NISCH: variants seen among roughly 807,000 people sequenced by gnomAD.
NISCH encodes the protein nischarin, also known as I-1 receptor candidate protein.
A neutral mutation model predicts 138.4 loss-of-function variants in NISCH; 55 were observed. The observed-to-expected ratio is 0.40, with a 90% CI of 0.32 to 0.50. NISCH has a LOEUF of 0.50. NISCH is among the 20% of genes least tolerant of loss of function. The pLI, the probability that NISCH is intolerant of heterozygous loss-of-function variation, is 0.71. For missense variants in NISCH, 1,643 were observed against 2,005.5 expected, an observed-to-expected ratio of 0.82 and a Z score of 3.45; for synonymous variants, 860 against 861.5, an observed-to-expected ratio of 1.00 and a Z score of 0.03.
chr3:52,492,682 C>G lies in NISCH; in HGVS notation c.*200C>G. ...AGAATGCCGGGCCCCTCAGGGCTGT[C>G]GGTGTGCTGTCAGCCTCCCACAGGT... On this transcript the variant is annotated 3_prime_UTR_variant, in exon 21 of 21. Transcript: ENST00000345716. 1.4e-6 allele frequency: 1 copy of G among 718,634 alleles called. No individual in the cohort carries two copies. The highest frequency in any genetic ancestry group is 2.1e-5 in the South Asian group (1 of 48,050). 44.5% of individuals were successfully genotyped at this position (718,634 alleles called of 1,614,324 possible).
Position 52,488,623 on chromosome 3 carries a change from T to C in NISCH, c.3113+18T>C. 3 of 1,589,322 alleles carry C rather than the reference T, an allele frequency of 1.9e-6. No homozygotes were observed. Among genetic ancestry groups the C allele is most frequent in the South Asian group, 2.2e-5 (2 of 89,446 alleles). ...AGGGCCAGGTGAGATCAAGCACAGCTCTCAGGGGCCCCGGGGGCATGGGTC... is the reference window on the plus strand; with the variant it reads ...AGGGCCAGGTGAGATCAAGCACAGCCCTCAGGGGCCCCGGGGGCATGGGTC... On this transcript the variant is annotated intron_variant, in intron 16 of 20. Coordinates refer to ENST00000345716, the MANE Select transcript of NISCH (RefSeq NM_007184.4).
chr3:52,478,274 A>C lies in NISCH; in HGVS notation c.1165A>C (p.Ile389Leu), dbSNP rs1578297780. ...LVNLDLRDNR[I>L]EQMEEVRSIG... is the part of the protein sequence containing the mutation. ...CAACCTGGATCTCCGGGACAACAGGATCGAACAGGTGAGCCCAAGGACCTC... is the reference window on the plus strand; with the variant it reads ...CAACCTGGATCTCCGGGACAACAGGCTCGAACAGGTGAGCCCAAGGACCTC... Residue 389 changes from isoleucine (I) to leucine (L), a missense_variant, in exon 10 of 21, where the codon ATC becomes CTC. Coordinates refer to ENST00000345716, the MANE Select transcript of NISCH (RefSeq NM_007184.4). 3 of 1,614,086 alleles carry C rather than the reference A, an allele frequency of 1.9e-6. No individual in the cohort carries two copies. The highest frequency in any genetic ancestry group is 2.5e-6 in the Non-Finnish European group (3 of 1,179,966).
chr3:52,480,305 T>C lies in NISCH; in HGVS notation c.1528+10T>C, dbSNP rs528341793. ...ATCCTCTCTAACCAAGGTAATCGTGTATGTATCTTGCTTCTAGTGGAGCCA... is the reference window on the plus strand; with the variant it reads ...ATCCTCTCTAACCAAGGTAATCGTGCATGTATCTTGCTTCTAGTGGAGCCA... On this transcript the variant is annotated intron_variant, in intron 13 of 20. Coordinates refer to ENST00000345716, the MANE Select transcript of NISCH (RefSeq NM_007184.4). 13 of 1,613,726 alleles carry C rather than the reference T, an allele frequency of 8.1e-6. No homozygotes were observed. In the South Asian group the frequency reaches 1.3e-4, roughly 16 times the overall value.
intron 3 of NISCH, among the ~76,000 whole-genome samples, chr3:52,467,811 G>GAC (rs1402530433): frequency 2.6e-5 from 4 of 152,180 alleles, no homozygotes; most frequent in Admixed American, 1.3e-4. Flanking sequence ...CTTTTAGAGA[G>GAC]ACAGGGTCTT....
At chr3:52,471,734 A>T (rs1706952807) in intron 4 of NISCH, 80 bp from the exon 5 acceptor site, 8 of 1,408,790 alleles carry the variant, frequency 5.7e-6, no homozygotes, top group Non-Finnish European at 7.5e-6. Context: ...CTGCTTGTTG[A>T]CAGAAAAGGT....
At chr3:52,460,327 C>T (rs879663172) in intron 3 of NISCH, among the ~76,000 whole-genome samples, 11 of 151,856 alleles carry the variant, frequency 7.2e-5, no homozygotes, top group Non-Finnish European at 8.8e-5. Context: ...AGCAGCACAC[C>T]AGTCTTCCCA....
In NISCH at chr3:52,492,791, T is replaced by C; in HGVS notation, c.*309T>C. ...ACACTGTGGGTCTGACTTTCTCTTC[T>C]ACACGTCCTTTCCTGAAGTGTCGAG... On this transcript the variant is annotated 3_prime_UTR_variant, in exon 21 of 21. Coordinates refer to ENST00000345716, the MANE Select transcript of NISCH (RefSeq NM_007184.4). 1 of 402,842 alleles carries C rather than the reference T, an allele frequency of 2.5e-6. No homozygotes were observed. The highest frequency in any genetic ancestry group is 4.4e-5 in the South Asian group (1 of 22,890). The allele number at this position is 402,842 out of a possible 1,614,324, so 25.0% of individuals were successfully genotyped here. A position where few individuals can be genotyped will look rare whatever the true frequency, so the allele number is the denominator to read the frequency against.
rs764367810 is a variant in NISCH, at chr3:52,487,400, C to CGAG, written c.1917_1919dup (p.Glu639dup). 1.9e-6 allele frequency: 3 copies of CGAG among 1,612,966 alleles called. No individual in the cohort carries two copies. The highest frequency in any genetic ancestry group is 1.3e-5 in the African/African-American group (1 of 74,808). ...GGGAGGAGGGCCAGGGTGAACAGGG[C>CGAG]GAGGAGGAGGATGAGGAGGAGGAAG... On this transcript the variant is annotated inframe_insertion, in exon 16 of 21. Transcript: ENST00000345716. The surrounding 1 kb of genome is among the most constrained non-coding windows in gnomAD (Gnocchi z 9.1).
intron 13 of NISCH, 51 bp from the exon 14 acceptor site, chr3:52,484,462 T>TTGGGCCCCCCCC: frequency 4.3e-5 from 34 of 788,668 alleles, no homozygotes; most frequent in Non-Finnish European, 5.1e-5. Flanking sequence ...ACAGCCGCTC[T>TTGGGCCCCCCCC]CCCCGCCCCA....
intron 7 of NISCH, among the ~76,000 whole-genome samples, chr3:52,475,359 G>A (rs933323315): frequency 2.6e-5 from 4 of 152,208 alleles, no homozygotes; most frequent in African/African-American, 9.6e-5. Flanking sequence ...AAATAGGCCT[G>A]CCTTTCTCCA....
Position 52,471,951 on chromosome 3 carries a change from T to C in NISCH, c.547T>C (p.Phe183Leu). The C allele has an allele frequency of 1.2e-6, 2 of 1,604,702 alleles. No individual in the cohort carries two copies. The highest frequency in any genetic ancestry group is 1.1e-5 in the South Asian group (1 of 90,458). Residue 183 changes from phenylalanine to leucine, a missense_variant, in exon 5 of 21, where the codon TTC (phenylalanine) becomes CTC (leucine). Transcript: ENST00000345716. Reference protein sequence around the residue: ...AKTDLGHILDFTCRLKYLKVS... With the variant: ...AKTDLGHILDLTCRLKYLKVS... ...GACCGACCTCGGGCACATCCTGGACTTCACCTGTCGCCTTAAGTACCTTAA... is the reference window on the plus strand; with the variant it reads ...GACCGACCTCGGGCACATCCTGGACCTCACCTGTCGCCTTAAGTACCTTAA...
At chr3:52,482,415 C>T (rs1192566757) in intron 13 of NISCH, among the ~76,000 whole-genome samples, 1 of 152,200 alleles carries the variant, frequency 6.6e-6, no homozygotes, top group Non-Finnish European at 1.5e-5. Flanking sequence ...GTTGATTGTC[C>T]AGCCAGGCCC....
At chr3:52,463,421 G>A (rs1321368574) in intron 3 of NISCH, among the ~76,000 whole-genome samples, 1 of 152,206 alleles carries the variant, frequency 6.6e-6, no homozygotes, top group Non-Finnish European at 1.5e-5. Flanking sequence ...GCATTTGTAT[G>A]TTAATTTTTG....
intron 13 of NISCH, 51 bp from the exon 14 acceptor site, chr3:52,484,462 T>TTGGGCGGCC: frequency 1.3e-6 from 1 of 788,670 alleles, no homozygotes; most frequent in Non-Finnish European, 1.8e-6. Context: ...ACAGCCGCTC[T>TTGGGCGGCC]CCCCGCCCCA....
chr3:52,464,195 C>T (rs917011943), intron 3 of NISCH, among the ~76,000 whole-genome samples: 5 of 151,598 alleles, frequency 3.3e-5, no homozygotes, highest in Non-Finnish European at 7.4e-5. Context: ...GCCTGGAGTT[C>T]GAGACCAGCC....
chr3:52,471,909 G>A lies in NISCH; in HGVS notation c.505G>A (p.Ala169Thr), dbSNP rs750629258. Residue 169 changes from alanine (A) to threonine (T), a missense_variant, in exon 5 of 21, where the codon GCC (alanine) becomes ACC (threonine). Physicochemically the swap from Ala to Thr is moderately conservative, Grantham distance 58. Coordinates refer to ENST00000345716, the MANE Select transcript of NISCH (RefSeq NM_007184.4). ...EQLQQGKPTCASGDAKTDLGH... is the reference protein window; with the variant it reads ...EQLQQGKPTCTSGDAKTDLGH... ...GCTGCAGCAGGGAAAGCCCACGTGC[G>A]CCAGTGGGGATGCCAAGACCGACCT... The A allele has an allele frequency of 1.2e-5, 19 of 1,612,670 alleles. No homozygotes were observed. Among genetic ancestry groups the A allele is most frequent in the African/African-American group, 2.7e-5 (2 of 74,904 alleles).
intron 3 of NISCH, among the ~76,000 whole-genome samples, chr3:52,469,664 G>A (rs745375577): frequency 6.6e-6 from 1 of 152,032 alleles, no homozygotes; most frequent in Non-Finnish European, 1.5e-5. Context: ...CTGTAATCCT[G>A]GCACTTTGGG....
At position 52,458,784 on chromosome 3, in the gene NISCH, G is replaced by A; in HGVS notation, c.300G>A (p.Leu100=). Reference sequence around the variant, plus strand: ...TGGAGGTCTACCTCCAGAAGCTCCTGGCTGCCTTCCCTGGCGTGACCCCCA... The same window carrying A: ...TGGAGGTCTACCTCCAGAAGCTCCTAGCTGCCTTCCCTGGCGTGACCCCCA... The part of the protein sequence containing the change: ...KDLEVYLQKL[L]AAFPGVTPRV... The change falls in exon 3 of 21, where the codon CTG becomes CTA. Residue 100 remains leucine (L), a synonymous_variant. Transcript: ENST00000345716. 3 of 1,613,216 alleles carry A rather than the reference G, an allele frequency of 1.9e-6. No individual in the cohort carries two copies. Among genetic ancestry groups the A allele is most frequent in the Non-Finnish European group, 2.5e-6 (3 of 1,179,968 alleles).
intron 3 of NISCH, among the ~76,000 whole-genome samples, chr3:52,464,196 G>A (rs945740206): frequency 1.3e-5 from 2 of 151,736 alleles, no homozygotes; most frequent in African/African-American, 2.4e-5. Context: ...CCTGGAGTTC[G>A]AGACCAGCCT....
Sources: allele counts gnomAD v4.1 joint callset (sites outside exome capture counted in the v4.1 genomes callset), GRCh38; gene constraint gnomAD v4.1.1; non-coding constraint Gnocchi (gnomAD v3.1); transcripts MANE v1.5; gene names NCBI Gene and HGNC (gene_info 2026-07-23, HGNC 2026-07-21).